Variants in CNTN3 observed in about 807,000 individuals in gnomAD.
The protein encoded by CNTN3 is contactin-3.
CNTN3 carries 60 observed loss-of-function variants against 119.1 expected under a neutral mutation model. The observed-to-expected ratio is 0.50, with a 90% CI of 0.41 to 0.62. CNTN3 has a LOEUF of 0.62. Among genes scored for constraint, CNTN3 ranks in the 20% least tolerant of loss-of-function variants. The pLI, the probability that CNTN3 is intolerant of heterozygous loss-of-function variation, is 0.00. For synonymous variants in CNTN3, 450 were observed against 438.7 expected (o/e 1.03, Z -0.32); for missense variants, 1,101 against 1,242.4 (o/e 0.89, Z 1.71).
At chr3:74,337,692 C>T (rs1447387837) in intron 11 of CNTN3, among the ~76,000 whole-genome samples, 1 of 152,090 alleles carries the variant, frequency 6.6e-6, no homozygotes, top group African/African-American at 2.4e-5. Context: ...CACCAGGTCC[C>T]TCCCACAACA....
chr3:74,293,047 TTC>T (rs1366922546), intron 19 of CNTN3, among the ~76,000 whole-genome samples: 8 of 152,230 alleles, frequency 5.3e-5, no homozygotes, highest in African/African-American at 1.9e-4. Flanking sequence ...GTCCAGACTA[TTC>T]TGTCTCTGAT....
intron 13 of CNTN3, among the ~76,000 whole-genome samples, chr3:74,304,565 AT>A (rs1220253548): frequency 6.6e-6 from 1 of 152,152 alleles, no homozygotes; most frequent in Non-Finnish European, 1.5e-5. Flanking sequence ...CTGTGTCAGG[AT>A]TTTATGTCCT....
At chr3:74,346,322 A>G (rs1703686113) in intron 11 of CNTN3, among the ~76,000 whole-genome samples, 3 of 152,070 alleles carry the variant, frequency 2.0e-5, no homozygotes, top group Admixed American at 1.3e-4. Context: ...ATTTGAATGT[A>G]AAAGGTTAGA....
At chr3:74,586,406 T>C (rs748598882) in intron 1 of CNTN3, among the ~76,000 whole-genome samples, 1 of 152,164 alleles carries the variant, frequency 6.6e-6, no homozygotes, top group South Asian at 2.1e-4. Flanking sequence ...ATTTGTAGAA[T>C]TAATACGCCT....
intron 4 of CNTN3, among the ~76,000 whole-genome samples, chr3:74,445,817 G>A (rs1702039763): frequency 6.6e-6 from 1 of 152,162 alleles, no homozygotes; most frequent in South Asian, 2.1e-4. Flanking sequence ...AAAGAAAACA[G>A]ATGGGAAGGT....
intron 1 of CNTN3, among the ~76,000 whole-genome samples, chr3:74,612,735 T>A (rs1705103692): frequency 6.6e-6 from 1 of 152,186 alleles, no homozygotes; most frequent in African/African-American, 2.4e-5. Flanking sequence ...TCAAACCACA[T>A]GTTTACTCTC....
intron 19 of CNTN3, among the ~76,000 whole-genome samples, chr3:74,288,322 C>A (rs1423723947): frequency 6.6e-6 from 1 of 151,810 alleles, no homozygotes; most frequent in African/African-American, 2.4e-5. Context: ...CTATGCCTGG[C>A]TAATTTTTGT....
At chr3:74,544,103 A>G (rs1422641061) in intron 1 of CNTN3, among the ~76,000 whole-genome samples, 1 of 152,208 alleles carries the variant, frequency 6.6e-6, no homozygotes, top group African/African-American at 2.4e-5. Context: ...AAAGGACACA[A>G]ACTGATTTCT....
At chr3:74,350,927 G>A (rs933955793) in intron 11 of CNTN3, among the ~76,000 whole-genome samples, 6 of 152,114 alleles carry the variant, frequency 3.9e-5, no homozygotes, top group Admixed American at 6.6e-5. Flanking sequence ...CTCCAAAAGC[G>A]GGGAGGAAAG....
At chr3:74,542,135 G>A (rs955094826) in intron 1 of CNTN3, among the ~76,000 whole-genome samples, 2 of 152,272 alleles carry the variant, frequency 1.3e-5, no homozygotes, top group East Asian at 3.9e-4. Context: ...TTGGGAGGCT[G>A]AAGCAGGAGG....
At chr3:74,341,721 G>T (rs866478859) in intron 11 of CNTN3, among the ~76,000 whole-genome samples, 21 of 151,990 alleles carry the variant, frequency 1.4e-4, no homozygotes, top group Middle Eastern at 3.2e-3. Flanking sequence ...AACTTTGTTT[G>T]TTCATAAAGT....
intron 2 of CNTN3, among the ~76,000 whole-genome samples, chr3:74,516,375 G>A (rs1222297669): frequency 6.7e-6 from 1 of 149,938 alleles, no homozygotes; most frequent in Non-Finnish European, 1.5e-5. Context: ...TCAATGTGAA[G>A]ACAATGAGGA....
rs1703154285 is a variant in CNTN3 at position 74,500,811 on chromosome 3, C to T, written c.56-1026G>A. ...ATGATAAAAATAGCAGCTGCTAAAG[C>T]TGAAATTCTAAAGTAAATTCTGCAT... On this transcript the variant is annotated intron_variant, in intron 2 of 22. Coordinates refer to ENST00000263665, the MANE Select transcript of CNTN3 (RefSeq NM_020872.3). Among the ~76,000 whole-genome samples, 3 of 151,988 alleles carry T rather than the reference C, an allele frequency of 2.0e-5. No individual in the cohort carries two copies. The South Asian group carries it at 6.2e-4, about 32-fold the overall frequency.
chr3:74,348,841 G>A (rs62269916), intron 11 of CNTN3, among the ~76,000 whole-genome samples: 4,405 of 152,198 alleles, frequency 0.029, 90 homozygotes, highest in South Asian at 0.08. Context: ...TAGAACTTTT[G>A]GAGGCAGAAG....
chr3:74,525,693 G>A (rs951656694), intron 1 of CNTN3, among the ~76,000 whole-genome samples: 6 of 151,770 alleles, frequency 4.0e-5, no homozygotes, highest in Non-Finnish European at 7.4e-5. Flanking sequence ...TTCACAACAC[G>A]TTCTCATGGC....
chr3:74,587,771 T>C (rs1031643424), intron 1 of CNTN3, among the ~76,000 whole-genome samples: 12 of 152,298 alleles, frequency 7.9e-5, no homozygotes, highest in Admixed American at 6.5e-4. Context: ...CTTTTCCTAA[T>C]TGAATACCCC....
intron 1 of CNTN3, among the ~76,000 whole-genome samples, chr3:74,587,328 T>C (rs1407531185): frequency 6.6e-6 from 1 of 152,108 alleles, no homozygotes; most frequent in African/African-American, 2.4e-5. Context: ...GTCATGTCCA[T>C]AAGACTGTTT....
chr3:74,543,178 C>T (rs1240945925), intron 1 of CNTN3, among the ~76,000 whole-genome samples: 1 of 151,856 alleles, frequency 6.6e-6, no homozygotes, highest in African/African-American at 2.4e-5. Context: ...ATTCAACAGG[C>T]AGAAAGTACA....
chr3:74,380,129 T>G (rs1704578634), intron 5 of CNTN3, among the ~76,000 whole-genome samples: 1 of 152,192 alleles, frequency 6.6e-6, no homozygotes. Context: ...CTTCTCTACT[T>G]CCTCATTTTC....
Sources: allele counts gnomAD v4.1 joint callset (sites outside exome capture counted in the v4.1 genomes callset), GRCh38; gene constraint gnomAD v4.1.1; transcripts MANE v1.5; gene names NCBI Gene and HGNC (gene_info 2026-07-23, HGNC 2026-07-21).